Variants in JMJD1C observed in about 807,000 individuals in gnomAD.
The protein encoded by JMJD1C is jumonji domain containing 1C, also known as jumonji domain-containing protein 1C.
A neutral mutation model predicts 245.3 loss-of-function variants in JMJD1C; 31 were observed. That is an observed-to-expected ratio of 0.13 (90% CI 0.09 to 0.17). The LOEUF is 0.17. Ranked by LOEUF, JMJD1C falls within the 10% of genes least tolerant of loss-of-function variation. The probability of loss-of-function intolerance (pLI) is 1.00; values close to 1 mark genes in which losing one functional copy is unlikely to be tolerated. For synonymous variants in JMJD1C, 1,057 were observed against 1,017.4 expected (o/e 1.04, Z -0.74); for missense variants, 2,691 against 3,000.2 (o/e 0.90, Z 2.41).
intron 3 of JMJD1C, among the ~76,000 whole-genome samples, chr10:63,225,788 A>C (rs1024031656): frequency 1.3e-5 from 2 of 152,090 alleles, no homozygotes; most frequent in Non-Finnish European, 1.5e-5. Context: ...TCCAAAAAAA[A>C]AAAAAAAGCT....
At chr10:63,521,442 G>T (rs1257017200) in intron 1 of JMJD1C, 2 of 604,468 alleles carry the variant, frequency 3.3e-6, no homozygotes, top group East Asian at 5.5e-5. Context: ...CGCGGCCCCG[G>T]GGAGCGCGAG....
At chr10:63,378,840 T>C (rs1281002094) in intron 2 of JMJD1C, among the ~76,000 whole-genome samples, 1 of 152,162 alleles carries the variant, frequency 6.6e-6, no homozygotes, top group Non-Finnish European at 1.5e-5. Flanking sequence ...TTTAAACTTT[T>C]TATATGAACA....
chr10:63,465,969 G>A lies in JMJD1C; in HGVS notation c.-307C>T, dbSNP rs1953240540. ...GCCCAGCCGCCGCCACCGCGCCGCG[G>A]CCAGTACTGCTCCGTCTCCCTCCCC... On this transcript the variant is annotated 5_prime_UTR_variant, in exon 1 of 26. Transcript: ENST00000399262. The A allele has an allele frequency of 1.0e-5, 5 of 487,894 alleles. No individual in the cohort carries two copies. The highest frequency in any genetic ancestry group is 2.0e-5 in the African/African-American group (1 of 50,718). 30.2% of individuals were successfully genotyped at this position (487,894 alleles called of 1,614,324 possible). A position where few individuals can be genotyped will look rare whatever the true frequency, so the allele number is the denominator to read the frequency against.
intron 2 of JMJD1C, among the ~76,000 whole-genome samples, chr10:63,354,332 C>G (rs1017148166): frequency 1.3e-5 from 2 of 152,040 alleles, no homozygotes; most frequent in Admixed American, 6.5e-5. Flanking sequence ...TTTTCTTAAC[C>G]TAAAATTATT....
intron 2 of JMJD1C, among the ~76,000 whole-genome samples, chr10:63,364,742 T>C (rs761297645): frequency 1.2e-4 from 19 of 152,232 alleles, no homozygotes; most frequent in Non-Finnish European, 2.5e-4. Flanking sequence ...CTGCCTCAGC[T>C]TCCCTAAGTG....
chr10:63,321,234 A>C (rs1195939404), intron 2 of JMJD1C, among the ~76,000 whole-genome samples: 1 of 152,230 alleles, frequency 6.6e-6, no homozygotes, highest in Non-Finnish European at 1.5e-5. Flanking sequence ...TAAACATAAT[A>C]AGTAAAGTGT....
At chr10:63,384,036 T>C (rs187238945) in intron 1 of JMJD1C, among the ~76,000 whole-genome samples, 34 of 152,284 alleles carry the variant, frequency 2.2e-4, no homozygotes, top group Admixed American at 1.8e-3. Flanking sequence ...CAAGCTAAGG[T>C]TGCATTATCA....
chr10:63,305,934 C>T (rs752735726), intron 2 of JMJD1C, among the ~76,000 whole-genome samples: 7 of 151,506 alleles, frequency 4.6e-5, no homozygotes, highest in African/African-American at 1.7e-4. Context: ...TTGTTGCCCA[C>T]GCTGGAATCA....
intron 1 of JMJD1C, among the ~76,000 whole-genome samples, chr10:63,463,404 G>A (rs1952937561): frequency 6.6e-6 from 1 of 152,112 alleles, no homozygotes; most frequent in Non-Finnish European, 1.5e-5. Flanking sequence ...CTGCGCTCAA[G>A]TATCTTCCCA....
At chr10:63,252,357 T>G (rs1243584471) in intron 3 of JMJD1C, among the ~76,000 whole-genome samples, 1 of 152,222 alleles carries the variant, frequency 6.6e-6, no homozygotes, top group Non-Finnish European at 1.5e-5. Context: ...ACCAGCAGAC[T>G]CTGAGTAAAG....
intron 3 of JMJD1C, among the ~76,000 whole-genome samples, chr10:63,248,626 T>C (rs1852610929): frequency 6.6e-6 from 1 of 152,114 alleles, no homozygotes; most frequent in South Asian, 2.1e-4. Context: ...CTGTACGCTG[T>C]TGGTGGAAAT....
chr10:63,511,380 C>T (rs1589841726), intron 1 of JMJD1C, among the ~76,000 whole-genome samples: 2 of 152,278 alleles, frequency 1.3e-5, no homozygotes, highest in Admixed American at 1.3e-4. Context: ...CATGGGTCCT[C>T]TTATATGCAG....
intron 2 of JMJD1C, among the ~76,000 whole-genome samples, chr10:63,296,013 A>ATTT (rs373671324): frequency 0.15 from 12,798 of 83,958 alleles, 1,639 homozygotes; most frequent in East Asian, 0.18. Flanking sequence ...GTATATATAT[A>ATTT]TTTTTTTTTT....
rs1464901969 is a variant in JMJD1C at position 63,335,023 on chromosome 10, GAAAAAAAT to G, written c.333+45287_333+45294del. On this transcript the variant is annotated intron_variant, in intron 2 of 25. Coordinates refer to ENST00000399262, the MANE Select transcript of JMJD1C (RefSeq NM_032776.3). ...ATGCCCAGCCAAGACTCTGTCTTTG[GAAAAAAAT>G]AAAAAAAAAAAAAAATATTGTTCCT... 2.9e-4 allele frequency among the ~76,000 whole-genome samples: 29 copies of G among 100,862 alleles called. 1 individual carries two copies. The highest frequency in any genetic ancestry group is 3.7e-4 in the African/African-American group (9 of 24,438). 66.2% of individuals were successfully genotyped at this position (100,862 alleles called of 152,430 possible).
At chr10:63,360,215 C>T (rs965885965) in intron 2 of JMJD1C, among the ~76,000 whole-genome samples, 1 of 152,020 alleles carries the variant, frequency 6.6e-6, no homozygotes, top group African/African-American at 2.4e-5. Flanking sequence ...GATCCTCTCA[C>T]CTCAGCCTCC....
chr10:63,174,436 A>T (rs1294793658), intron 24 of JMJD1C, among the ~76,000 whole-genome samples: 2 of 152,226 alleles, frequency 1.3e-5, no homozygotes, highest in Admixed American at 6.5e-5. Context: ...AAGGGTACAT[A>T]CTGTGTGAGT....
chr10:63,258,561 A>G (rs574276166), intron 3 of JMJD1C, among the ~76,000 whole-genome samples: 1 of 152,276 alleles, frequency 6.6e-6, no homozygotes, highest in African/African-American at 2.4e-5. Flanking sequence ...AAATACTTCA[A>G]CACCAATTAT....
intron 1 of JMJD1C, among the ~76,000 whole-genome samples, chr10:63,484,228 GGATGGATGGATAGATA>G (rs1465055152): frequency 5.4e-4 from 34 of 63,136 alleles, no homozygotes; most frequent in South Asian, 3.0e-3. Context: ...ATGGATGGAT[GGATGGATGGATAGATA>G]GATAGATAGA....
At chr10:63,503,273 G>C (rs570888626) in intron 1 of JMJD1C, among the ~76,000 whole-genome samples, 2 of 152,110 alleles carry the variant, frequency 1.3e-5, no homozygotes, top group East Asian at 3.9e-4. Context: ...AGGGGTTTTT[G>C]GGGGGGCTTT....
Sources: allele counts gnomAD v4.1 joint callset (sites outside exome capture counted in the v4.1 genomes callset), GRCh38; gene constraint gnomAD v4.1.1; transcripts MANE v1.5; gene names NCBI Gene and HGNC (gene_info 2026-07-23, HGNC 2026-07-21).